The following SRL variants were observed in gnomAD, a reference collection of about 807,000 sequenced individuals.
SRL encodes the protein sarcalumenin.
SRL carries 23 observed loss-of-function variants against 39.5 expected under a neutral mutation model. The observed-to-expected ratio is 0.58, with a 90% CI of 0.42 to 0.82. The LOEUF (loss-of-function observed/expected upper bound fraction) is 0.82, where lower values mean the gene tolerates loss of function less well. Ranked by LOEUF, SRL falls within the 40% of genes least tolerant of loss-of-function variation. The pLI is 0.00. For synonymous variants in SRL, 272 were observed against 237.4 expected (o/e 1.15, Z -1.34); for missense variants, 592 against 607.8 (o/e 0.97, Z 0.27).
chr16:4,214,426 C>A (rs151098693), intron 1 of SRL, among the ~76,000 whole-genome samples: 1 of 152,180 alleles, frequency 6.6e-6, no homozygotes, highest in Non-Finnish European at 1.5e-5. Context: ...GAATCCCCAG[C>A]GGGGGCAGGA....
At chr16:4,198,344 C>G (rs1165486187) in intron 3 of SRL, among the ~76,000 whole-genome samples, 1 of 152,178 alleles carries the variant, frequency 6.6e-6, no homozygotes, top group Non-Finnish European at 1.5e-5. Flanking sequence ...TGGACTCAGA[C>G]CCTTCCTGTC....
At chr16:4,218,979 C>T (rs375610990) in intron 1 of SRL, among the ~76,000 whole-genome samples, 1 of 152,270 alleles carries the variant, frequency 6.6e-6, no homozygotes, top group Non-Finnish European at 1.5e-5. Flanking sequence ...AGGGTGTCAC[C>T]GAATCCATGA....
intron 5 of SRL, among the ~76,000 whole-genome samples, chr16:4,193,688 C>T (rs1012133485): frequency 2.0e-5 from 3 of 152,124 alleles, no homozygotes; most frequent in African/African-American, 7.2e-5. Context: ...CCTAAAATTC[C>T]AGTCATACAG....
intron 1 of SRL, among the ~76,000 whole-genome samples, chr16:4,233,651 G>A (rs1036019403): frequency 4.0e-5 from 6 of 151,818 alleles, no homozygotes; most frequent in East Asian, 1.9e-4. Context: ...ACTCATTCCC[G>A]CCTGCACAGT....
chr16:4,234,364 C>T (rs2052692609), intron 1 of SRL, among the ~76,000 whole-genome samples: 1 of 152,186 alleles, frequency 6.6e-6, no homozygotes, highest in Non-Finnish European at 1.5e-5. Context: ...GATTCTGCCA[C>T]CTTCCCTGAG....
chr16:4,209,292 A>G (rs2141040672), intron 1 of SRL, among the ~76,000 whole-genome samples: 1 of 151,564 alleles, frequency 6.6e-6, no homozygotes, highest in South Asian at 2.1e-4. Flanking sequence ...AAGAAAAAAG[A>G]AAATGGGGCC....
At chr16:4,216,433 G>A (rs150729411) in intron 1 of SRL, among the ~76,000 whole-genome samples, 5 of 151,846 alleles carry the variant, frequency 3.3e-5, no homozygotes, top group African/African-American at 4.8e-5. Flanking sequence ...AACCACACTC[G>A]GCTAATTTTT....
chr16:4,204,595 T>C lies in SRL; in HGVS notation c.101A>G (p.Asp34Gly). 2 of 1,614,170 alleles carry C rather than the reference T, an allele frequency of 1.2e-6. No individual in the cohort carries two copies. The highest frequency in any genetic ancestry group is 1.7e-6 in the Non-Finnish European group (2 of 1,180,034). The change falls in exon 2 of 6, where the codon GAC (aspartate) becomes GGC (glycine). Residue 34 changes from aspartate to glycine, a missense_variant. Coordinates refer to ENST00000399609, the MANE Select transcript of SRL (RefSeq NM_001098814.2). ...GAGGGTCTTCTCGATGTGGGAGCGGTCCCTCAATGGGGCTTCTTCATTTGC... is the reference window on the plus strand; with the variant it reads ...GAGGGTCTTCTCGATGTGGGAGCGGCCCCTCAATGGGGCTTCTTCATTTGC... ...EDANEEAPLR[D>G]RSHIEKTLML...
intron 3 of SRL, among the ~76,000 whole-genome samples, chr16:4,200,687 G>A (rs1241542828): frequency 1.3e-5 from 2 of 152,222 alleles, no homozygotes; most frequent in Non-Finnish European, 2.9e-5. Context: ...ACCAATAGCT[G>A]TGCATCCACT....
intron 3 of SRL, among the ~76,000 whole-genome samples, chr16:4,198,191 C>T (rs1379214953): frequency 6.6e-6 from 1 of 152,218 alleles, no homozygotes; most frequent in East Asian, 1.9e-4. Flanking sequence ...ACCCTGACTC[C>T]GAACTCACTC....
At position 4,203,274 on chromosome 16, in the gene SRL, A is replaced by G; in HGVS notation, c.164-13T>C. ...CGCTGCAGCACCGCTGGAGACAGAG[A>G]GGGCCGGGGGAAGAGCATCACGCAG... is the stretch of plus-strand genomic sequence containing the variant. On this transcript the variant is annotated splice_polypyrimidine_tract_variant and intron_variant, in intron 2 of 5. Transcript: ENST00000399609. 2 of 1,612,198 alleles carry G rather than the reference A, an allele frequency of 1.2e-6. No homozygotes were observed. The highest frequency in any genetic ancestry group is 1.7e-6 in the Non-Finnish European group (2 of 1,178,370).
intron 4 of SRL, among the ~76,000 whole-genome samples, chr16:4,196,175 G>A (rs1181292752): frequency 6.6e-6 from 1 of 152,064 alleles, no homozygotes; most frequent in Non-Finnish European, 1.5e-5. Context: ...TGGCCAGGCT[G>A]GTCTCGAACT....
intron 1 of SRL, chr16:4,207,830 G>T (rs373896880): frequency 4.4e-6 from 2 of 456,416 alleles, no homozygotes; most frequent in African/African-American, 4.0e-5. Context: ...CGTCCCTGTC[G>T]TCCCTTTCCC....
At chr16:4,229,952 CT>C (rs1340935869) in intron 1 of SRL, among the ~76,000 whole-genome samples, 8 of 152,116 alleles carry the variant, frequency 5.3e-5, no homozygotes, top group Admixed American at 3.9e-4. Context: ...ACAGAGTAAG[CT>C]GGTCCTGGGC....
chr16:4,212,607 G>A (rs985484425), intron 1 of SRL, among the ~76,000 whole-genome samples: 17 of 152,156 alleles, frequency 1.1e-4, no homozygotes, highest in Admixed American at 1.3e-4. Context: ...ATGAAGTACC[G>A]CACTGTATGT....
chr16:4,239,644 G>A (rs1243017824), intron 1 of SRL: 2 of 152,422 alleles, frequency 1.3e-5, no homozygotes, highest in Non-Finnish European at 1.5e-5. Context: ...CGTACAGGGA[G>A]AGAGGGGCTT....
In SRL at chr16:4,190,686, G is replaced by C; in HGVS notation, c.*1467C>G. 1 of 387,412 alleles carries C rather than the reference G, an allele frequency of 2.6e-6. No homozygotes were observed. Among genetic ancestry groups the C allele is most frequent in the Non-Finnish European group, 4.6e-6 (1 of 219,106 alleles). 24.0% of individuals were successfully genotyped at this position (387,412 alleles called of 1,614,324 possible). On this transcript the variant is annotated 3_prime_UTR_variant, in exon 6 of 6. Coordinates refer to ENST00000399609, the MANE Select transcript of SRL (RefSeq NM_001098814.2). ...ACACTTATTGGTATTGAAGGCCCTG[G>C]CTTTCCTGCGGTGTGTTCAGTGGAC...
intron 1 of SRL, chr16:4,207,728 C>T (rs9934893): frequency 0.23 from 93,372 of 411,618 alleles, 10,967 homozygotes; most frequent in African/African-American, 0.28. Context: ...AACTGGGCTC[C>T]GGCCACTCCT....
chr16:4,225,002 A>T (rs2052571594), intron 1 of SRL, among the ~76,000 whole-genome samples: 1 of 152,220 alleles, frequency 6.6e-6, no homozygotes. Flanking sequence ...AAGAGACCAC[A>T]TCTTGTGTGA....
Sources: allele counts gnomAD v4.1 joint callset (sites outside exome capture counted in the v4.1 genomes callset), GRCh38; gene constraint gnomAD v4.1.1; transcripts MANE v1.5; gene names NCBI Gene and HGNC (gene_info 2026-07-23, HGNC 2026-07-21).